SPAG1: variants seen among roughly 807,000 people sequenced by gnomAD.
The protein encoded by SPAG1 is sperm-associated antigen 1.
A neutral mutation model predicts 100.5 loss-of-function variants in SPAG1; 69 were observed. That is an observed-to-expected ratio of 0.69 (90% CI 0.57 to 0.84). The LOEUF (loss-of-function observed/expected upper bound fraction) is 0.84. SPAG1 is among the 40% of genes least tolerant of loss of function. The pLI is 0.00. For synonymous variants in SPAG1, 336 were observed against 411.6 expected, an observed-to-expected ratio of 0.82 and a Z score of 2.22; for missense variants, 955 against 1,133.1, an observed-to-expected ratio of 0.84 and a Z score of 2.26.
chr8:100,231,132 CTTCT>C lies in SPAG1; in HGVS notation c.1856-21_1856-18del, dbSNP rs1392353140. 7 of 1,587,706 alleles carry C rather than the reference CTTCT, an allele frequency of 4.4e-6. No individual in the cohort carries two copies. Among genetic ancestry groups the C allele is most frequent in the African/African-American group, 1.4e-5 (1 of 73,308 alleles). On this transcript the variant is annotated intron_variant, in intron 14 of 18. Transcript: ENST00000388798. ...AGAGGTGCTTGTACAGATACTTCCTCTTCTTTGTTTTTTTGTCCCATAGATGAAA... is the reference window on the plus strand; with the variant it reads ...AGAGGTGCTTGTACAGATACTTCCTCTTGTTTTTTTGTCCCATAGATGAAA...
At chr8:100,229,029 T>C (rs1208847793) in intron 14 of SPAG1, among the ~76,000 whole-genome samples, 1 of 152,162 alleles carries the variant, frequency 6.6e-6, no homozygotes. Flanking sequence ...CAGGAAACAA[T>C]AGAACTGTAG....
Position 100,226,879 on chromosome 8 carries a change from A to G in SPAG1, c.1855+1540A>G, listed in dbSNP as rs1020018459. On this transcript the variant is annotated intron_variant, in intron 14 of 18. Transcript: ENST00000388798. ...GGAGCACATATATGACAGTGATCCC[A>G]TAAGATTATATACTGTAACTTTACT... Among the ~76,000 whole-genome samples the G allele has an allele frequency of 1.8e-4, 27 of 152,216 alleles. 1 individual carries two copies. The highest frequency in any genetic ancestry group is 1.8e-3 in the Admixed American group (27 of 15,286).
chr8:100,228,917 A>C (rs1818638542), intron 14 of SPAG1, among the ~76,000 whole-genome samples: 1 of 152,118 alleles, frequency 6.6e-6, no homozygotes. Flanking sequence ...AGTAACAGAA[A>C]ATCTGTTGAC....
chr8:100,225,902 G>A (rs114167308), intron 14 of SPAG1, among the ~76,000 whole-genome samples: 6,087 of 151,902 alleles, frequency 0.04, 435 homozygotes, highest in African/African-American at 0.14. Context: ...GCGCAATCAC[G>A]GTTCACTGCA....
intron 10 of SPAG1, among the ~76,000 whole-genome samples, chr8:100,196,344 A>G (rs1207382450): frequency 6.6e-6 from 1 of 152,210 alleles, no homozygotes; most frequent in Non-Finnish European, 1.5e-5. Flanking sequence ...CATTAGTAAC[A>G]TATGAGAGTT....
chr8:100,158,503 T>C (rs1192924609), upstream of SPAG1: 1 of 152,048 alleles, frequency 6.6e-6, no homozygotes, highest in East Asian at 1.9e-4. Context: ...ATGCCGTTTC[T>C]TTTCGGTCTC....
chr8:100,231,578 C>T (rs1172585834), intron 15 of SPAG1, among the ~76,000 whole-genome samples: 3 of 152,182 alleles, frequency 2.0e-5, no homozygotes, highest in Admixed American at 6.5e-5. Context: ...AACTCTGATT[C>T]GGCATTTCCT....
At chr8:100,203,761 G>A (rs1280080036) in intron 10 of SPAG1, among the ~76,000 whole-genome samples, 1 of 152,204 alleles carries the variant, frequency 6.6e-6, no homozygotes, top group Non-Finnish European at 1.5e-5. Flanking sequence ...TTCAGAAGCA[G>A]ATACTGAGCC....
At chr8:100,228,140 A>G (rs1277383695) in intron 14 of SPAG1, among the ~76,000 whole-genome samples, 1 of 152,112 alleles carries the variant, frequency 6.6e-6, no homozygotes, top group African/African-American at 2.4e-5. Flanking sequence ...AGCCTAGGCT[A>G]TGTGAGATCT....
At chr8:100,160,120 A>G (rs1232139971) in intron 1 of SPAG1, among the ~76,000 whole-genome samples, 3 of 152,218 alleles carry the variant, frequency 2.0e-5, no homozygotes, top group African/African-American at 7.2e-5. Flanking sequence ...TGTTGCTATT[A>G]TTATTATCAT....
At chr8:100,221,987 G>C (rs958520785) in intron 13 of SPAG1, among the ~76,000 whole-genome samples, 1 of 152,198 alleles carries the variant, frequency 6.6e-6, no homozygotes, top group Non-Finnish European at 1.5e-5. Flanking sequence ...ATCTGTGATG[G>C]GGTGAGATGA....
At chr8:100,191,353 A>G in intron 8 of SPAG1, 37 bp from the exon 9 acceptor site, 1 of 1,414,218 alleles carries the variant, frequency 7.1e-7, no homozygotes, top group Non-Finnish European at 1.0e-6. Context: ...AATGCCACAT[A>G]TTAAAAAACA....
chr8:100,227,115 C>T (rs1047561223), intron 14 of SPAG1, among the ~76,000 whole-genome samples: 9 of 152,188 alleles, frequency 5.9e-5, no homozygotes, highest in African/African-American at 1.9e-4. Flanking sequence ...ATGATGTTTG[C>T]ACAATAGCGA....
At chr8:100,207,169 G>C (rs1295259879) in intron 10 of SPAG1, among the ~76,000 whole-genome samples, 1 of 152,192 alleles carries the variant, frequency 6.6e-6, no homozygotes, top group Non-Finnish European at 1.5e-5. Flanking sequence ...ATCATGAACT[G>C]AGTGCTTTCT....
chr8:100,160,106 T>C (rs558677511), intron 1 of SPAG1, among the ~76,000 whole-genome samples: 1 of 152,372 alleles, frequency 6.6e-6, no homozygotes, highest in Non-Finnish European at 1.5e-5. Flanking sequence ...AAGAACTATA[T>C]ATTTGTTGCT....
At chr8:100,231,104 T>A (rs1443747986) in intron 14 of SPAG1, 52 bp from the exon 15 acceptor site, 2 of 1,500,342 alleles carry the variant, frequency 1.3e-6, no homozygotes, top group Non-Finnish European at 1.8e-6. Context: ...CTTAAGATTT[T>A]ATAGAGGTGC....
intron 11 of SPAG1, 49 bp downstream of exon 11, chr8:100,213,477 C>T: frequency 7.5e-7 from 1 of 1,335,872 alleles, no homozygotes; most frequent in Non-Finnish European, 9.6e-7. Flanking sequence ...CGCTGCGGTT[C>T]ACCCGACCTC....
In SPAG1 at chr8:100,220,266, T is replaced by G. The variant is rs1307540750; in HGVS notation, c.1536-13T>G. 18 of 1,599,118 alleles carry G rather than the reference T, an allele frequency of 1.1e-5. No individual in the cohort carries two copies. Among genetic ancestry groups the G allele is most frequent in the Non-Finnish European group, 1.4e-5 (17 of 1,175,698 alleles). ...TCAAAACAAATGGTATGTAATATTT[T>G]TGTCTTCTTTAGGGCTCTGGAACTT... On this transcript the variant is annotated splice_polypyrimidine_tract_variant and intron_variant, in intron 12 of 18. Coordinates refer to ENST00000388798, the MANE Select transcript of SPAG1 (RefSeq NM_003114.5).
chr8:100,203,344 T>C (rs1226285563), intron 10 of SPAG1, among the ~76,000 whole-genome samples: 1 of 152,142 alleles, frequency 6.6e-6, no homozygotes, highest in Non-Finnish European at 1.5e-5. Context: ...TATATATATC[T>C]CCTATTAGTT....
Sources: allele counts gnomAD v4.1 joint callset (sites outside exome capture counted in the v4.1 genomes callset), GRCh38; gene constraint gnomAD v4.1.1; transcripts MANE v1.5; gene names NCBI Gene and HGNC (gene_info 2026-07-23, HGNC 2026-07-21).